Variants in CHD9 observed in about 807,000 individuals in gnomAD.
The protein encoded by CHD9 is chromodomain helicase DNA binding protein 9.
In CHD9, 77 loss-of-function variants were observed where a neutral mutation model predicts 316.1. The ratio of observed to expected loss-of-function variants is 0.24; its 90% CI spans 0.20 to 0.29. CHD9 has a LOEUF of 0.29. CHD9 is among the 10% of genes least tolerant of loss of function. CHD9 has a pLI of 1.00. For missense variants in CHD9, 2,763 were observed against 3,438.1 expected, an observed-to-expected ratio of 0.80 and a Z score of 4.91; for synonymous variants, 1,129 against 1,158.3, an observed-to-expected ratio of 0.97 and a Z score of 0.51.
In CHD9 at chr16:53,303,926, G is replaced by T. The variant is rs775520599; in HGVS notation, c.5920G>T (p.Ala1974Ser). ...GPHDRDLLIG[A>S]AKHGVSRTDY... Reference sequence around the variant, plus strand: ...TCATGATAGGGATTTGCTTATTGGTGCTGCCAAACACGGGGTGAGCCGAAC... The same window carrying T: ...TCATGATAGGGATTTGCTTATTGGTTCTGCCAAACACGGGGTGAGCCGAAC... Residue 1974 changes from alanine to serine, a missense_variant, in exon 31 of 39, where the codon GCT becomes TCT. Physicochemically the swap from Ala to Ser is moderately conservative, Grantham distance 99. Around this residue, in one of 15 missense-constraint regions of CHD9, gnomAD observed 663 missense variants for 751.2 expected, o/e 0.88. Coordinates refer to ENST00000447540, the MANE Select transcript of CHD9 (RefSeq NM_001308319.2). 1.2e-6 allele frequency: 2 copies of T among 1,613,996 alleles called. No individual in the cohort carries two copies. Among genetic ancestry groups the T allele is most frequent in the East Asian group, 4.5e-5 (2 of 44,880 alleles).
At chr16:53,124,567 C>G (rs34660456) in intron 1 of CHD9, among the ~76,000 whole-genome samples, 2,545 of 149,918 alleles carry the variant, frequency 0.017, 137 homozygotes, top group Admixed American at 0.11. Flanking sequence ...CAACCTCTGC[C>G]TCCTGGTTTC....
intron 2 of CHD9, among the ~76,000 whole-genome samples, chr16:53,188,014 C>T (rs1357753126): frequency 6.6e-6 from 1 of 152,220 alleles, no homozygotes; most frequent in African/African-American, 2.4e-5. Context: ...TTATTCCTAA[C>T]ACCCTAACCC....
chr16:53,164,669 T>G (rs979727987), intron 2 of CHD9, among the ~76,000 whole-genome samples: 1 of 151,920 alleles, frequency 6.6e-6, no homozygotes, highest in African/African-American at 2.4e-5. Context: ...TGTTGTTGTT[T>G]TTGAGACAGA....
chr16:53,267,889 T>G, intron 21 of CHD9, 38 bp from the exon 22 acceptor site: 1 of 1,544,496 alleles, frequency 6.5e-7, no homozygotes. Context: ...CTCTAGAACT[T>G]GACTCAATAT....
At chr16:53,178,280 A>T (rs1366371365) in intron 2 of CHD9, among the ~76,000 whole-genome samples, 2 of 152,154 alleles carry the variant, frequency 1.3e-5, no homozygotes, top group Non-Finnish European at 2.9e-5. Context: ...AGATTTGTGA[A>T]GTTAGTTGGT....
intron 1 of CHD9, among the ~76,000 whole-genome samples, chr16:53,072,071 A>C (rs1035943687): frequency 2.6e-5 from 4 of 152,146 alleles, no homozygotes; most frequent in African/African-American, 9.7e-5. Flanking sequence ...TGCAGAATTC[A>C]TAGGCGCCAG....
intron 24 of CHD9, among the ~76,000 whole-genome samples, chr16:53,277,670 A>T (rs1189423895): frequency 6.6e-6 from 1 of 152,170 alleles, no homozygotes; most frequent in East Asian, 1.9e-4. Context: ...ATTGGAGAAA[A>T]GTTGAAAATA....
intron 3 of CHD9, among the ~76,000 whole-genome samples, chr16:53,219,611 C>A (rs1393445372): frequency 6.6e-6 from 1 of 152,166 alleles, no homozygotes; most frequent in Non-Finnish European, 1.5e-5. Context: ...GAAACAGTTA[C>A]ACGTTAGGAC....
intron 4 of CHD9, among the ~76,000 whole-genome samples, chr16:53,224,035 A>G (rs1424778826): frequency 6.6e-6 from 1 of 152,162 alleles, no homozygotes; most frequent in African/African-American, 2.4e-5. Context: ...GCAACAGAGT[A>G]TACTATTAGG....
intron 24 of CHD9, among the ~76,000 whole-genome samples, chr16:53,279,492 C>G (rs1038842039): frequency 6.6e-6 from 1 of 152,092 alleles, no homozygotes; most frequent in Non-Finnish European, 1.5e-5. Flanking sequence ...CACATGTACC[C>G]TAGAACTTGA....
Position 53,227,384 on chromosome 16 carries a change from TC to T in CHD9, c.2044-9del. The T allele has an allele frequency of 6.5e-7, 1 of 1,534,218 alleles. No homozygotes were observed. Among genetic ancestry groups the T allele is most frequent in the Non-Finnish European group, 8.8e-7 (1 of 1,131,460 alleles). On this transcript the variant is annotated splice_polypyrimidine_tract_variant and intron_variant, in intron 5 of 38. Transcript: ENST00000447540. Reference sequence around the variant, plus strand: ...ATGTGTTCTGTCATTATTTCTTTCCTCCCTCCCATAGGAGAATCCGAGTGAA... The same window carrying T: ...ATGTGTTCTGTCATTATTTCTTTCCTCCTCCCATAGGAGAATCCGAGTGAA...
chr16:53,105,385 T>TG (rs2037261120), intron 1 of CHD9, among the ~76,000 whole-genome samples: 1 of 152,220 alleles, frequency 6.6e-6, no homozygotes, highest in Non-Finnish European at 1.5e-5. Flanking sequence ...GCCTTTTTTT[T>TG]GTGGTAGCAT....
intron 28 of CHD9, 103 bp from the exon 29 acceptor site, chr16:53,292,730 C>A: frequency 1.2e-6 from 1 of 826,114 alleles, no homozygotes; most frequent in Non-Finnish European, 1.9e-6. Context: ...TTTTTTTTTC[C>A]CCACATAGAT....
chr16:53,118,782 A>T (rs1402854613), intron 1 of CHD9, among the ~76,000 whole-genome samples: 1 of 151,310 alleles, frequency 6.6e-6, no homozygotes. Context: ...CTCAATAAAA[A>T]AGATAACTTT....
At chr16:53,164,044 G>A (rs988139045) in intron 2 of CHD9, among the ~76,000 whole-genome samples, 1 of 152,146 alleles carries the variant, frequency 6.6e-6, no homozygotes, top group African/African-American at 2.4e-5. Context: ...AACCCTATTT[G>A]ACTCCATTAT....
intron 2 of CHD9, among the ~76,000 whole-genome samples, chr16:53,161,807 C>G (rs989947031): frequency 2.0e-5 from 3 of 151,988 alleles, no homozygotes; most frequent in Non-Finnish European, 4.4e-5. Context: ...GGTTGGAGTG[C>G]AGTGGTAGAT....
chr16:53,183,952 TC>T (rs1462488880), intron 2 of CHD9, among the ~76,000 whole-genome samples: 2 of 151,960 alleles, frequency 1.3e-5, no homozygotes, highest in Non-Finnish European at 2.9e-5. Flanking sequence ...TTTTTTTTTT[TC>T]TTTTTTTTTG....
At chr16:53,275,950 C>G (rs1448504469) in intron 24 of CHD9, among the ~76,000 whole-genome samples, 3 of 152,100 alleles carry the variant, frequency 2.0e-5, no homozygotes, top group Non-Finnish European at 4.4e-5. Flanking sequence ...GTTGATCTTG[C>G]TATCACCACT....
rs567093159 is a variant in CHD9 at position 53,126,033 on chromosome 16, T to C, written c.-164-29893T>C. 2.0e-5 allele frequency among the ~76,000 whole-genome samples: 3 copies of C among 152,234 alleles called. No individual in the cohort carries two copies. In the South Asian group the frequency reaches 6.2e-4, roughly 31 times the overall value. On this transcript the variant is annotated intron_variant, in intron 1 of 38. Transcript: ENST00000447540. ...GTTTAATCTACTTTTTGTGGTTTCT[T>C]GTATGAAAGTTTTTAATTTTAATGA...
Sources: allele counts gnomAD v4.1 joint callset (sites outside exome capture counted in the v4.1 genomes callset), GRCh38; gene constraint gnomAD v4.1.1; regional missense constraint gnomAD v4.1.1; transcripts MANE v1.5; gene names NCBI Gene and HGNC (gene_info 2026-07-23, HGNC 2026-07-21).